The following NOL4 variants were observed in gnomAD, a reference collection of about 807,000 sequenced individuals.
NOL4 encodes the protein cancer/testis antigen 125.
NOL4 carries 17 observed loss-of-function variants against 75.9 expected under a neutral mutation model. The ratio of observed to expected loss-of-function variants is 0.22; its 90% CI spans 0.15 to 0.34. NOL4 has a LOEUF of 0.34. NOL4 is among the 10% of genes least tolerant of loss of function. The pLI is 1.00. For synonymous variants in NOL4, 292 were observed against 289.9 expected (o/e 1.01, Z -0.07); for missense variants, 614 against 793.5 (o/e 0.77, Z 2.72).
At chr18:34,212,957 C>A (rs757729034) in intron 1 of NOL4, among the ~76,000 whole-genome samples, 5 of 152,078 alleles carry the variant, frequency 3.3e-5, no homozygotes, top group African/African-American at 4.8e-5. Flanking sequence ...CATGAAAGGC[C>A]CCCCTTTCTT....
intron 8 of NOL4, among the ~76,000 whole-genome samples, chr18:33,945,207 G>A (rs1033761724): frequency 7.3e-5 from 11 of 151,692 alleles, no homozygotes; most frequent in African/African-American, 2.4e-4. Context: ...CAATTATTGA[G>A]AGCCACATGG....
intron 1 of NOL4, among the ~76,000 whole-genome samples, chr18:34,195,373 T>C (rs1039398159): frequency 2.0e-5 from 3 of 152,166 alleles, no homozygotes; most frequent in African/African-American, 7.2e-5. Flanking sequence ...TTCTAAATTC[T>C]TTCTCAACAT....
At chr18:34,143,964 C>G (rs1419550735) in intron 1 of NOL4, among the ~76,000 whole-genome samples, 1 of 150,846 alleles carries the variant, frequency 6.6e-6, no homozygotes, top group Non-Finnish European at 1.5e-5. Flanking sequence ...TTGCTAATTT[C>G]TATGTTGTAT....
At chr18:34,136,636 G>C (rs1343405856) in intron 1 of NOL4, among the ~76,000 whole-genome samples, 3 of 151,956 alleles carry the variant, frequency 2.0e-5, no homozygotes, top group African/African-American at 7.2e-5. Flanking sequence ...GTTAAAAAAG[G>C]TGTAAGACTT....
intron 10 of NOL4, among the ~76,000 whole-genome samples, chr18:33,857,490 C>T (rs1395501123): frequency 6.6e-6 from 1 of 151,912 alleles, no homozygotes; most frequent in African/African-American, 2.4e-5. Flanking sequence ...GAAACATTGC[C>T]AATTCTGCAG....
At chr18:34,006,959 G>A (rs1318061804) in intron 6 of NOL4, among the ~76,000 whole-genome samples, 1 of 151,858 alleles carries the variant, frequency 6.6e-6, no homozygotes, top group Non-Finnish European at 1.5e-5. Flanking sequence ...AAATGGGAGT[G>A]GTATCACTCA....
chr18:33,940,690 C>T (rs1460762986), intron 9 of NOL4, among the ~76,000 whole-genome samples: 2 of 149,832 alleles, frequency 1.3e-5, no homozygotes, highest in African/African-American at 4.9e-5. Context: ...ACTTAAAGTA[C>T]AAAAAACAAA....
chr18:33,877,284 T>C (rs904981767), intron 10 of NOL4, among the ~76,000 whole-genome samples: 1 of 151,614 alleles, frequency 6.6e-6, no homozygotes, highest in African/African-American at 2.4e-5. Flanking sequence ...TTGGGCAACA[T>C]AGTGATATCC....
At chr18:34,182,980 T>C (rs888434797) in intron 1 of NOL4, among the ~76,000 whole-genome samples, 2 of 151,756 alleles carry the variant, frequency 1.3e-5, no homozygotes, top group Non-Finnish European at 3.0e-5. Flanking sequence ...ATAATATCTG[T>C]TTACCCATGG....
chr18:34,221,445 T>C (rs1255403664), intron 1 of NOL4: 1 of 152,210 alleles, frequency 6.6e-6, no homozygotes, highest in East Asian at 1.9e-4. Context: ...CTCATCCAGA[T>C]GTAAATAAAC....
intron 5 of NOL4, among the ~76,000 whole-genome samples, chr18:34,080,129 G>A (rs1453684638): frequency 6.6e-6 from 1 of 152,162 alleles, no homozygotes; most frequent in Non-Finnish European, 1.5e-5. Context: ...ACATGTTCTT[G>A]TGCCTTTTGT....
chr18:33,862,986 G>C (rs890546352), intron 10 of NOL4, among the ~76,000 whole-genome samples: 85 of 152,278 alleles, frequency 5.6e-4, no homozygotes, highest in African/African-American at 2.0e-3. Context: ...GTTTATTGCG[G>C]CACTGTTCAC....
At chr18:34,165,008 G>A (rs866762110) in intron 1 of NOL4, among the ~76,000 whole-genome samples, 4 of 148,298 alleles carry the variant, frequency 2.7e-5, no homozygotes, top group African/African-American at 7.5e-5. Context: ...ACCAAACACC[G>A]CATATTCTCA....
intron 1 of NOL4, among the ~76,000 whole-genome samples, chr18:34,180,470 A>T (rs2033942838): frequency 1.3e-5 from 2 of 151,628 alleles, no homozygotes; most frequent in Admixed American, 6.6e-5. Context: ...CTGGGGACTT[A>T]AAGAAACATC....
intron 6 of NOL4, among the ~76,000 whole-genome samples, chr18:33,983,357 T>C (rs1022224538): frequency 1.3e-5 from 2 of 151,808 alleles, no homozygotes; most frequent in East Asian, 3.9e-4. Flanking sequence ...CGTGTCATTG[T>C]AGGTTCACTG....
At chr18:34,121,048 G>T (rs942930463) in intron 2 of NOL4, among the ~76,000 whole-genome samples, 1 of 152,098 alleles carries the variant, frequency 6.6e-6, no homozygotes, top group Non-Finnish European at 1.5e-5. Context: ...TCATAACAGA[G>T]AATTCTTATA....
chr18:33,935,554 T>C (rs976653801), intron 9 of NOL4, among the ~76,000 whole-genome samples: 1 of 152,120 alleles, frequency 6.6e-6, no homozygotes, highest in African/African-American at 2.4e-5. Flanking sequence ...CAAAGATTAC[T>C]GATCACAGAT....
At chr18:34,222,338 G>A (rs1322920401) in intron 1 of NOL4, 1 of 1,283,646 alleles carries the variant, frequency 7.8e-7, no homozygotes, top group Non-Finnish European at 9.8e-7. Flanking sequence ...AAGTGAGGAA[G>A]GGAATGGGGG....
intron 2 of NOL4, among the ~76,000 whole-genome samples, chr18:34,119,151 A>G (rs1252602930): frequency 1.3e-5 from 2 of 152,216 alleles, no homozygotes; most frequent in African/African-American, 4.8e-5. Flanking sequence ...TAGACAAAAG[A>G]CAGACATACT....
Sources: allele counts gnomAD v4.1 joint callset (sites outside exome capture counted in the v4.1 genomes callset), GRCh38; gene constraint gnomAD v4.1.1; transcripts MANE v1.5; gene names NCBI Gene and HGNC (gene_info 2026-07-23, HGNC 2026-07-21).